The following CNR1 variants were observed in gnomAD, a reference collection of about 807,000 sequenced individuals.
The protein encoded by CNR1 is cannabinoid receptor 1, also known as cannabinoid receptor 1 (brain).
In CNR1, 10 loss-of-function variants were observed where a neutral mutation model predicts 23.0. The observed-to-expected ratio is 0.43, with a 90% CI of 0.27 to 0.74. The LOEUF is 0.74. CNR1 is among the 30% of genes least tolerant of loss of function. The probability of loss-of-function intolerance (pLI) is 0.19; values close to 1 mark genes in which losing one functional copy is unlikely to be tolerated. For synonymous variants in CNR1, 271 were observed against 255.2 expected, an observed-to-expected ratio of 1.06 and a Z score of -0.59; for missense variants, 422 against 618.8, an observed-to-expected ratio of 0.68 and a Z score of 3.37.
rs963617341 is a variant in CNR1, at chr6:88,142,920, A to G, written c.*936T>C. On this transcript the variant is annotated 3_prime_UTR_variant, in exon 2 of 2. Transcript: ENST00000369501. ...GGAACACAATACTATTCAAGTAAAC[A>G]GCAACTGCACAGTGATAACGATATA... 3 of 152,834 alleles carry G rather than the reference A, an allele frequency of 2.0e-5. No homozygotes were observed. The highest frequency in any genetic ancestry group is 4.4e-5 in the Non-Finnish European group (3 of 68,050). 9.5% of individuals were successfully genotyped at this position (152,834 alleles called of 1,614,324 possible). A position where few individuals can be genotyped will look rare whatever the true frequency, so the allele number is the denominator to read the frequency against.
At position 88,145,257 on chromosome 6, in the gene CNR1, A is replaced by G. The variant is rs368465914; in HGVS notation, c.18T>C (p.Asp6=). Residue 6 remains aspartate, a synonymous_variant, in exon 2 of 2, where the codon GAT becomes GAC. Coordinates refer to ENST00000369501, the MANE Select transcript of CNR1 (RefSeq NM_016083.6). ...TGCGGAAGGTGGTATCTGCAAGGCC[A>G]TCTAGGATCGACTTCATAACCTCAG... is the stretch of plus-strand genomic sequence containing the variant. MKSIL[D]GLADTTFRTI... 3 of 1,610,536 alleles carry G rather than the reference A, an allele frequency of 1.9e-6. No homozygotes were observed. The African/African-American group carries it at 4.0e-5, about 22-fold the overall frequency.
At chr6:88,160,898 C>A (rs867343055) in intron 1 of CNR1, among the ~76,000 whole-genome samples, 5 of 152,040 alleles carry the variant, frequency 3.3e-5, no homozygotes, top group Non-Finnish European at 7.4e-5. Flanking sequence ...AAGAGGGGGA[C>A]CCTCTCATTT....
At chr6:88,162,552 C>A (rs1778160671) in intron 1 of CNR1, among the ~76,000 whole-genome samples, 2 of 152,052 alleles carry the variant, frequency 1.3e-5, no homozygotes, top group African/African-American at 4.8e-5. Context: ...AAGTTGAATC[C>A]CCCAAGTCCC....
In CNR1 at chr6:88,145,032, A is replaced by C; in HGVS notation, c.243T>G (p.Phe81Leu). ...VPADQVNITE[F>L]YNKSLSSFKE... is the part of the protein sequence containing the mutation. ...TGAAGGACGAGAGAGACTTGTTGTAAAATTCTGTAATGTTCACCTGGTCTG... is the reference window on the plus strand; with the variant it reads ...TGAAGGACGAGAGAGACTTGTTGTACAATTCTGTAATGTTCACCTGGTCTG... Residue 81 changes from phenylalanine to leucine, a missense_variant, in exon 2 of 2, where the codon TTT becomes TTG. Physicochemically the swap from Phe to Leu is conservative, Grantham distance 22. Transcript: ENST00000369501. 1 of 1,614,132 alleles carries C rather than the reference A, an allele frequency of 6.2e-7. No individual in the cohort carries two copies. The highest frequency in any genetic ancestry group is 8.5e-7 in the Non-Finnish European group (1 of 1,180,026).
intron 1 of CNR1, 68 bp from the exon 2 acceptor site, chr6:88,145,405 T>TAA: frequency 1.3e-6 from 1 of 746,196 alleles, no homozygotes; most frequent in South Asian, 1.8e-5. Context: ...AGAGACACTG[T>TAA]AAATGTGGCA....
In CNR1 at chr6:88,143,033, A is replaced by AT. The variant is rs1776915000; in HGVS notation, c.*822dup. 6.6e-6 allele frequency: 1 copy of AT among 152,612 alleles called. No homozygotes were observed. 9.5% of individuals were successfully genotyped at this position (152,612 alleles called of 1,614,324 possible). On this transcript the variant is annotated 3_prime_UTR_variant, in exon 2 of 2. Transcript: ENST00000369501. ...GAGATGTCGCTCAAAAAAAGTCAAT[A>AT]TGCTTTCTCTCTTCCATTCTGATTA...
chr6:88,150,312 C>CA (rs1777449328), intron 1 of CNR1, among the ~76,000 whole-genome samples: 1 of 152,172 alleles, frequency 6.6e-6, no homozygotes, highest in Admixed American at 6.5e-5. Context: ...AGAGAAAAGT[C>CA]AATCTCTCTC....
rs1005843046 is a variant in CNR1, at chr6:88,166,270, C to T, written c.-531G>A. 1 of 152,504 alleles carries T rather than the reference C, an allele frequency of 6.6e-6. No homozygotes were observed. The highest frequency in any genetic ancestry group is 2.1e-4 in the South Asian group (1 of 4,840). The allele number at this position is 152,504 out of a possible 1,614,324, so 9.4% of individuals were successfully genotyped here. ...CCGCCTGGCCCGGCGTGGGGCCGCC[C>T]GTCTCCGCCAGCCCGGGCGCCCGTC... On this transcript the variant is annotated 5_prime_UTR_variant, in exon 1 of 2. Coordinates refer to ENST00000369501, the MANE Select transcript of CNR1 (RefSeq NM_016083.6).
At chr6:88,166,710 G>C (rs1458698552), upstream of CNR1, among the ~76,000 whole-genome samples, 2 of 152,154 alleles carry the variant, frequency 1.3e-5, no homozygotes, top group African/African-American at 4.8e-5. Flanking sequence ...CCACGACCTC[G>C]GGGCCATTAA....
intron 1 of CNR1, among the ~76,000 whole-genome samples, chr6:88,153,076 C>T (rs1394757836): frequency 6.6e-6 from 1 of 152,092 alleles, no homozygotes; most frequent in Non-Finnish European, 1.5e-5. Context: ...TAAATCATGA[C>T]TTCATAGTAA....
chr6:88,151,470 C>T (rs546407926), intron 1 of CNR1, among the ~76,000 whole-genome samples: 39 of 152,224 alleles, frequency 2.6e-4, no homozygotes, highest in Middle Eastern at 3.4e-3. Context: ...TTCTAAGCCT[C>T]AGTATTTCAT....
rs1776788998 is a variant in CNR1, at chr6:88,141,127, T to C, written c.*2729A>G. ...TTACTTAAATTTAAATCATTTAAAT[T>C]AATGGATCTAATTATGGGGTTAATT... On this transcript the variant is annotated 3_prime_UTR_variant, in exon 2 of 2. Transcript: ENST00000369501. 6.6e-6 allele frequency: 1 copy of C among 152,358 alleles called. No homozygotes were observed. Among genetic ancestry groups the C allele is most frequent in the Non-Finnish European group, 1.5e-5 (1 of 68,032 alleles). 9.4% of individuals were successfully genotyped at this position (152,358 alleles called of 1,614,324 possible). A position where few individuals can be genotyped will look rare whatever the true frequency, so the allele number is the denominator to read the frequency against.
intron 1 of CNR1, among the ~76,000 whole-genome samples, chr6:88,152,193 C>A (rs1469643036): frequency 7.8e-6 from 1 of 128,466 alleles, no homozygotes; most frequent in Non-Finnish European, 1.5e-5. Flanking sequence ...CCAGCCTGGG[C>A]GACAGAGCGA....
intron 1 of CNR1, among the ~76,000 whole-genome samples, chr6:88,151,883 A>G (rs1163754045): frequency 6.6e-6 from 1 of 152,064 alleles, no homozygotes; most frequent in African/African-American, 2.4e-5. Context: ...TGTCAAGGCA[A>G]CCCTATCAGG....
rs935830455 is a variant in CNR1 at position 88,140,673 on chromosome 6, A to G, written c.*3183T>C. Reference sequence around the variant, plus strand: ...GACATGAAATGGCAGAAATTAATCAACAGGACAGTAACTATAGCGCTACTC... The same window carrying G: ...GACATGAAATGGCAGAAATTAATCAGCAGGACAGTAACTATAGCGCTACTC... On this transcript the variant is annotated 3_prime_UTR_variant, in exon 2 of 2. Transcript: ENST00000369501. 1 of 152,360 alleles carries G rather than the reference A, an allele frequency of 6.6e-6. No individual in the cohort carries two copies. Among genetic ancestry groups the G allele is most frequent in the Non-Finnish European group, 1.5e-5 (1 of 68,054 alleles). 9.4% of individuals were successfully genotyped at this position (152,360 alleles called of 1,614,324 possible). A position where few individuals can be genotyped will look rare whatever the true frequency, so the allele number is the denominator to read the frequency against.
At position 88,144,819 on chromosome 6, in the gene CNR1, G is replaced by A; in HGVS notation, c.456C>T (p.Ser152=). Reference sequence around the variant, plus strand: ...CCGCCAGGCTGCCGATGAAGTGGTAGGAAGGCCTGCAGCGGAGGCTGCGGG... The same window carrying A: ...CCGCCAGGCTGCCGATGAAGTGGTAAGAAGGCCTGCAGCGGAGGCTGCGGG... ...LHSRSLRCRP[S]YHFIGSLAVA... is the part of the protein sequence containing the mutation. The change falls in exon 2 of 2, where the codon TCC becomes TCT. Residue 152 remains serine, a synonymous_variant. Transcript: ENST00000369501. This position sits in a 1 kb window ranked among gnomAD's most constrained non-coding sequence, Gnocchi z 7.8. 1.2e-6 allele frequency: 2 copies of A among 1,614,230 alleles called. No individual in the cohort carries two copies. The highest frequency in any genetic ancestry group is 1.7e-6 in the Non-Finnish European group (2 of 1,180,038).
intron 1 of CNR1, chr6:88,162,858 G>C (rs1283012290): frequency 6.6e-6 from 1 of 152,142 alleles, no homozygotes; most frequent in Non-Finnish European, 1.5e-5. Context: ...GCCAACAGCA[G>C]AATTATAAAT....
At chr6:88,166,791 C>G (rs1317142315), upstream of CNR1, among the ~76,000 whole-genome samples, 1 of 97,448 alleles carries the variant, frequency 1.0e-5, no homozygotes, top group South Asian at 4.0e-4. Flanking sequence ...GCGGGCTGAG[C>G]CGGAAGGGGA....
chr6:88,166,262 G>C lies in CNR1; in HGVS notation c.-523C>G, dbSNP rs144844385. ...CGCGAGCCCCGCCTGGCCCGGCGTGGGGCCGCCCGTCTCCGCCAGCCCGGG... is the reference window on the plus strand; with the variant it reads ...CGCGAGCCCCGCCTGGCCCGGCGTGCGGCCGCCCGTCTCCGCCAGCCCGGG... On this transcript the variant is annotated 5_prime_UTR_variant, in exon 1 of 2. Coordinates refer to ENST00000369501, the MANE Select transcript of CNR1 (RefSeq NM_016083.6). 7.4e-3 allele frequency: 1,130 copies of C among 152,408 alleles called. 6 individuals carry two copies. The highest frequency in any genetic ancestry group is 0.017 in the Middle Eastern group (5 of 294). The allele number at this position is 152,408 out of a possible 1,614,324, so 9.4% of individuals were successfully genotyped here.
Sources: allele counts gnomAD v4.1 joint callset (sites outside exome capture counted in the v4.1 genomes callset), GRCh38; gene constraint gnomAD v4.1.1; non-coding constraint Gnocchi (gnomAD v3.1); transcripts MANE v1.5; gene names NCBI Gene and HGNC (gene_info 2026-07-23, HGNC 2026-07-21).